The following ZNF721 variants were observed in gnomAD, a reference collection of about 807,000 sequenced individuals.
ZNF721 encodes zinc finger protein 721.
A neutral mutation model predicts 2.4 loss-of-function variants in ZNF721; 2 were observed. That is an observed-to-expected ratio of 0.82 (90% CI 0.34 to 2.58). The LOEUF (loss-of-function observed/expected upper bound fraction) is 2.58. Among genes scored for constraint, ZNF721 ranks in the 30% most tolerant of loss-of-function variants. The pLI is 0.11. For missense variants in ZNF721, 1,187 were observed against 1,085.5 expected (o/e 1.09, Z -1.31); for synonymous variants, 398 against 381.8 (o/e 1.04, Z -0.50).
At chr4:459,976 T>C (rs1484269502) in intron 2 of ZNF721, among the ~76,000 whole-genome samples, 1 of 152,118 alleles carries the variant, frequency 6.6e-6, no homozygotes, top group East Asian at 1.9e-4. Context: ...CAAAGAGACT[T>C]AGACTCTCAC....
In ZNF721 at chr4:441,325, CAT is replaced by C. The variant is rs782686689; in HGVS notation, c.*368_*369del. 9.2e-5 allele frequency: 16 copies of C among 174,720 alleles called. No individual in the cohort carries two copies. The highest frequency in any genetic ancestry group is 2.7e-3 in the Middle Eastern group (1 of 376). 10.8% of individuals were successfully genotyped at this position (174,720 alleles called of 1,614,324 possible). A position where few individuals can be genotyped will look rare whatever the true frequency, so the allele number is the denominator to read the frequency against. On this transcript the variant is annotated 3_prime_UTR_variant, in exon 3 of 3. Coordinates refer to ENST00000511833, the MANE Select transcript of ZNF721 (RefSeq NM_133474.4). ...AAGTAGTCTCACATATAAATACTAT[CAT>C]GTGCAAAAATGCTAAGCATTGGTTA...
chr4:470,424 C>T (rs145433262), intron 2 of ZNF721, among the ~76,000 whole-genome samples: 62 of 152,202 alleles, frequency 4.1e-4, no homozygotes, highest in African/African-American at 1.3e-3. Flanking sequence ...AAAAACTCTA[C>T]AGGATAGAAA....
intron 2 of ZNF721, among the ~76,000 whole-genome samples, chr4:452,561 C>A (rs1026916391): frequency 1.3e-5 from 2 of 152,114 alleles, no homozygotes; most frequent in African/African-American, 4.8e-5. Flanking sequence ...GCTGAACAAG[C>A]GGTGCAACTG....
chr4:489,338 C>T (rs1393032597), intron 1 of ZNF721, among the ~76,000 whole-genome samples: 3 of 152,274 alleles, frequency 2.0e-5, no homozygotes, highest in South Asian at 2.1e-4. Context: ...TCTGGCAACC[C>T]GCTTTCATGT....
chr4:485,194 G>A (rs1715863911), intron 1 of ZNF721, among the ~76,000 whole-genome samples: 2 of 152,008 alleles, frequency 1.3e-5, no homozygotes, highest in Admixed American at 6.6e-5. Context: ...GCTTGAAAGG[G>A]AGCATTTACA....
At chr4:446,699 C>CT (rs1330869961) in intron 2 of ZNF721, among the ~76,000 whole-genome samples, 3 of 147,636 alleles carry the variant, frequency 2.0e-5, no homozygotes, top group Non-Finnish European at 3.0e-5. Flanking sequence ...TTTTTTTTTT[C>CT]TTTTTTTTCT....
At chr4:473,398 C>G (rs973663148) in intron 1 of ZNF721, among the ~76,000 whole-genome samples, 4 of 152,154 alleles carry the variant, frequency 2.6e-5, no homozygotes, top group African/African-American at 7.2e-5. Flanking sequence ...ACAAGACCAC[C>G]AATCATCATC....
intron 1 of ZNF721, among the ~76,000 whole-genome samples, chr4:497,884 C>CT (rs1409495749): frequency 7.1e-6 from 1 of 140,114 alleles, no homozygotes; most frequent in Non-Finnish European, 1.5e-5. Context: ...GGCGACAGAG[C>CT]GAGACTCCGT....
At chr4:450,937 CAA>C (rs781962651) in intron 2 of ZNF721, among the ~76,000 whole-genome samples, 30 of 26,496 alleles carry the variant, frequency 1.1e-3, no homozygotes, top group South Asian at 3.7e-3. Flanking sequence ...ACTCTGTCTC[CAA>C]AAAAAAAAAA....
At chr4:446,684 TTTTC>T (rs1714485358) in intron 2 of ZNF721, among the ~76,000 whole-genome samples, 1 of 150,086 alleles carries the variant, frequency 6.7e-6, no homozygotes, top group Non-Finnish European at 1.5e-5. Context: ...CAACCCCGAA[TTTTC>T]TTTTTTTTTT....
In ZNF721 at chr4:472,690, T is replaced by C. The variant is rs1553867941; in HGVS notation, c.-82A>G. The C allele has an allele frequency of 6.2e-7, 1 of 1,612,348 alleles. No individual in the cohort carries two copies. Among genetic ancestry groups the C allele is most frequent in the Non-Finnish European group, 8.5e-7 (1 of 1,179,662 alleles). ...AGAATTCTATGGCCACATCCCTGAATGTTAAGGGTTCCTGAAAATACATAT... is the reference window on the plus strand; with the variant it reads ...AGAATTCTATGGCCACATCCCTGAACGTTAAGGGTTCCTGAAAATACATAT... On this transcript the variant is annotated 5_prime_UTR_variant, in exon 2 of 3. Coordinates refer to ENST00000511833, the MANE Select transcript of ZNF721 (RefSeq NM_133474.4).
At chr4:484,167 CTAAACA>C (rs1715836445) in intron 1 of ZNF721, among the ~76,000 whole-genome samples, 1 of 152,182 alleles carries the variant, frequency 6.6e-6, no homozygotes, top group Admixed American at 6.5e-5. Flanking sequence ...ACTGCAATCT[CTAAACA>C]TAAATTGTAA....
chr4:476,505 T>G (rs1324373455), intron 1 of ZNF721, among the ~76,000 whole-genome samples: 4 of 152,200 alleles, frequency 2.6e-5, no homozygotes, highest in African/African-American at 9.7e-5. Context: ...CCCCTTAAGT[T>G]TCCATTGTCC....
At chr4:492,828 A>G (rs1193815895) in intron 1 of ZNF721, among the ~76,000 whole-genome samples, 1 of 149,864 alleles carries the variant, frequency 6.7e-6, no homozygotes, top group East Asian at 1.9e-4. Flanking sequence ...TTATTTTTGT[A>G]ACTTTATTTA....
chr4:486,399 C>T (rs1451729041), intron 1 of ZNF721, among the ~76,000 whole-genome samples: 3 of 152,102 alleles, frequency 2.0e-5, no homozygotes, highest in Non-Finnish European at 2.9e-5. Flanking sequence ...ACCTCATGAC[C>T]GCCCGCCTTG....
chr4:484,724 A>G (rs1715850779), intron 1 of ZNF721, among the ~76,000 whole-genome samples: 1 of 152,208 alleles, frequency 6.6e-6, no homozygotes, highest in African/African-American at 2.4e-5. Context: ...CTGTCTCCTG[A>G]TAAGATGTTA....
chr4:478,450 G>C (rs10010103), intron 1 of ZNF721, among the ~76,000 whole-genome samples: 1,632 of 152,210 alleles, frequency 0.011, 24 homozygotes, highest in African/African-American at 0.037. Context: ...TTTGCCTCAA[G>C]AGATTCTCTC....
chr4:456,144 C>A (rs1286334045), intron 2 of ZNF721, among the ~76,000 whole-genome samples: 1 of 151,966 alleles, frequency 6.6e-6, no homozygotes, highest in Admixed American at 6.6e-5. Context: ...AATGTCGGCT[C>A]ACTGCAACCT....
intron 1 of ZNF721, among the ~76,000 whole-genome samples, chr4:479,396 G>C (rs1715717277): frequency 6.6e-6 from 1 of 152,122 alleles, no homozygotes; most frequent in African/African-American, 2.4e-5. Flanking sequence ...GGCTCCCCCA[G>C]AACACCTCCT....
Sources: allele counts gnomAD v4.1 joint callset (sites outside exome capture counted in the v4.1 genomes callset), GRCh38; gene constraint gnomAD v4.1.1; transcripts MANE v1.5; gene names NCBI Gene and HGNC (gene_info 2026-07-23, HGNC 2026-07-21).